The following RNF216 variants were observed in gnomAD, a reference collection of about 807,000 sequenced individuals.
RNF216 encodes the protein E3 ubiquitin-protein ligase RNF216.
RNF216 carries 72 observed loss-of-function variants against 110.8 expected under a neutral mutation model. The observed-to-expected ratio is 0.65, with a 90% CI of 0.54 to 0.79. RNF216 has a LOEUF of 0.79. RNF216 is among the 30% of genes least tolerant of loss of function. RNF216 has a pLI of 0.00. For missense variants in RNF216, 1,342 were observed against 1,141.2 expected (o/e 1.18, Z -2.54); for synonymous variants, 495 against 407.5 (o/e 1.21, Z -2.59).
chr7:5,654,946 A>T (rs1033299419), intron 13 of RNF216, among the ~76,000 whole-genome samples: 1 of 152,190 alleles, frequency 6.6e-6, no homozygotes, highest in Non-Finnish European at 1.5e-5. Flanking sequence ...AGGAAGCTGG[A>T]GGACAAACAA....
chr7:5,622,727 T>G lies in RNF216; in HGVS notation c.*133A>C. 1 of 845,258 alleles carries G rather than the reference T, an allele frequency of 1.2e-6. No individual in the cohort carries two copies. Among genetic ancestry groups the G allele is most frequent in the Non-Finnish European group, 1.8e-6 (1 of 546,990 alleles). The allele number at this position is 845,258 out of a possible 1,614,324, so 52.4% of individuals were successfully genotyped here. On this transcript the variant is annotated 3_prime_UTR_variant, in exon 17 of 17. Transcript: ENST00000389902. ...AGCAGTAGCCCTTCTAGGAAAGGGG[T>G]GGGAAGAAAACCAGCCTACCCTTCA...
At chr7:5,673,737 T>A (rs1790077652) in intron 13 of RNF216, among the ~76,000 whole-genome samples, 1 of 152,044 alleles carries the variant, frequency 6.6e-6, no homozygotes. Flanking sequence ...ATTAGCTGGG[T>A]GCAGTGGTGC....
At chr7:5,683,657 T>C (rs1790794525) in intron 13 of RNF216, among the ~76,000 whole-genome samples, 1 of 152,204 alleles carries the variant, frequency 6.6e-6, no homozygotes, top group Non-Finnish European at 1.5e-5. Flanking sequence ...AGCCTCAGTG[T>C]CCTCATCAAG....
intron 9 of RNF216, among the ~76,000 whole-genome samples, chr7:5,719,452 C>T (rs943753481): frequency 1.2e-4 from 19 of 152,118 alleles, no homozygotes; most frequent in African/African-American, 3.4e-4. Flanking sequence ...GAAGCTGAAA[C>T]GGGGTCATTT....
intron 13 of RNF216, among the ~76,000 whole-genome samples, chr7:5,682,573 A>G (rs1269858911): frequency 6.6e-6 from 1 of 151,792 alleles, no homozygotes; most frequent in Admixed American, 6.6e-5. Flanking sequence ...ATGCCGGGCT[A>G]TTTTTGTATT....
Position 5,741,252 on chromosome 7 carries a change from C to T in RNF216, c.765G>A (p.Gln255=), listed in dbSNP as rs371533313. The T allele has an allele frequency of 2.8e-5, 46 of 1,614,042 alleles. No homozygotes were observed. The highest frequency in any genetic ancestry group is 4.0e-5 in the African/African-American group (3 of 74,906). The change falls in exon 4 of 17, where the codon CAG becomes CAA. Residue 255 remains glutamine, a synonymous_variant. Coordinates refer to ENST00000389902, the MANE Select transcript of RNF216 (RefSeq NM_207111.4). ...ACAAGCGGCCCAGTTCTGCTTCAGGCTGCCGTTCCTGAGGAACGACCTGGT... is the reference window on the plus strand; with the variant it reads ...ACAAGCGGCCCAGTTCTGCTTCAGGTTGCCGTTCCTGAGGAACGACCTGGT... The part of the protein sequence containing the change: ...ITNQVVPQER[Q]PEAELGRLLF...
At chr7:5,640,937 G>C (rs549960036) in intron 15 of RNF216, among the ~76,000 whole-genome samples, 2 of 152,172 alleles carry the variant, frequency 1.3e-5, no homozygotes, top group Non-Finnish European at 2.9e-5. Context: ...AGAATTAAAA[G>C]AATTTGCCTA....
At chr7:5,642,495 G>A (rs1462935186) in intron 14 of RNF216, among the ~76,000 whole-genome samples, 5 of 151,320 alleles carry the variant, frequency 3.3e-5, no homozygotes, top group Non-Finnish European at 7.4e-5. Flanking sequence ...GATTACAAGT[G>A]TGAGCCACTG....
At chr7:5,716,184 G>A (rs1224198519) in intron 10 of RNF216, among the ~76,000 whole-genome samples, 1 of 152,124 alleles carries the variant, frequency 6.6e-6, no homozygotes. Context: ...GAGCCACGGT[G>A]CCCGGCCACC....
intron 1 of RNF216, among the ~76,000 whole-genome samples, chr7:5,774,734 A>AG (rs1405313822): frequency 6.6e-6 from 1 of 150,860 alleles, no homozygotes; most frequent in Non-Finnish European, 1.5e-5. Flanking sequence ...GGGGGAAAAA[A>AG]TCTTTATTTT....
intron 1 of RNF216, among the ~76,000 whole-genome samples, 157 bp downstream of exon 1, chr7:5,781,384 C>G (rs567341095): frequency 1.4e-3 from 214 of 152,056 alleles, no homozygotes; most frequent in African/African-American, 4.8e-3. Context: ...TGGCCCGATC[C>G]CGCCCGGGCC....
intron 12 of RNF216, among the ~76,000 whole-genome samples, chr7:5,712,064 C>G (rs531880213): frequency 1.3e-5 from 2 of 152,198 alleles, no homozygotes; most frequent in Non-Finnish European, 2.9e-5. Context: ...ATAAACCACT[C>G]AATAAACACG....
chr7:5,737,248 G>A (rs1270104435), intron 5 of RNF216, among the ~76,000 whole-genome samples: 1 of 152,160 alleles, frequency 6.6e-6, no homozygotes, highest in Non-Finnish European at 1.5e-5. Context: ...TCTGAAACAT[G>A]TGCTGTGTCC....
intron 1 of RNF216, among the ~76,000 whole-genome samples, chr7:5,777,987 T>C (rs1053573627): frequency 3.3e-5 from 5 of 152,230 alleles, no homozygotes; most frequent in Non-Finnish European, 5.9e-5. Flanking sequence ...ACGATCTTTT[T>C]AGAACTGAAT....
At chr7:5,735,553 AAGG>A (rs1413999160) in intron 5 of RNF216, among the ~76,000 whole-genome samples, 2 of 152,264 alleles carry the variant, frequency 1.3e-5, no homozygotes, top group African/African-American at 2.4e-5. Context: ...GATGAGTTAA[AAGG>A]AGATTACACT....
intron 13 of RNF216, among the ~76,000 whole-genome samples, chr7:5,707,486 C>T (rs1442831924): frequency 3.3e-5 from 5 of 152,050 alleles, no homozygotes; most frequent in Non-Finnish European, 5.9e-5. Context: ...TTGTATCCTG[C>T]ACCTTTACTG....
At chr7:5,732,763 G>A (rs60442234) in intron 5 of RNF216, among the ~76,000 whole-genome samples, 5,787 of 152,302 alleles carry the variant, frequency 0.038, 161 homozygotes, top group East Asian at 0.072. Context: ...GGGGAAGCCT[G>A]TCGGACTTCA....
chr7:5,723,831 C>G (rs963394491), intron 8 of RNF216, among the ~76,000 whole-genome samples: 10 of 151,982 alleles, frequency 6.6e-5, no homozygotes, highest in African/African-American at 9.7e-5. Flanking sequence ...AATGGGATCC[C>G]TGGAACAGAT....
intron 13 of RNF216, among the ~76,000 whole-genome samples, chr7:5,682,386 A>G (rs1456653169): frequency 6.6e-6 from 1 of 151,640 alleles, no homozygotes; most frequent in Non-Finnish European, 1.5e-5. Context: ...TAAAGGAGAG[A>G]TGACAGTTTT....
Sources: allele counts gnomAD v4.1 joint callset (sites outside exome capture counted in the v4.1 genomes callset), GRCh38; gene constraint gnomAD v4.1.1; transcripts MANE v1.5; gene names NCBI Gene and HGNC (gene_info 2026-07-23, HGNC 2026-07-21).